Variants in DNAH1 observed in about 807,000 individuals in gnomAD.
DNAH1 encodes the protein axonemal beta dynein heavy chain 1.
Under a neutral mutation model 484.3 loss-of-function variants are expected in DNAH1, and 327 were observed. The ratio of observed to expected loss-of-function variants is 0.68; its 90% CI spans 0.62 to 0.74. DNAH1 has a LOEUF of 0.74. DNAH1 is among the 30% of genes least tolerant of loss of function. The probability of loss-of-function intolerance (pLI) is 0.00; values close to 1 mark genes in which losing one functional copy is unlikely to be tolerated. For missense variants in DNAH1, 5,052 were observed against 5,546.8 expected (o/e 0.91, Z 2.83); for synonymous variants, 2,192 against 2,191.9 (o/e 1.00, Z 0.00).
intron 63 of DNAH1, among the ~76,000 whole-genome samples, chr3:52,392,202 A>G (rs1704419615): frequency 6.6e-6 from 1 of 152,210 alleles, no homozygotes; most frequent in African/African-American, 2.4e-5. Flanking sequence ...CAGAGACCCC[A>G]GCCGCTCACA....
At position 52,345,538 on chromosome 3, in the gene DNAH1, G is replaced by A; in HGVS notation, c.1488G>A (p.Glu496=). 6.3e-7 allele frequency: 1 copy of A among 1,583,238 alleles called. No individual in the cohort carries two copies. Among genetic ancestry groups the A allele is most frequent in the Non-Finnish European group, 8.6e-7 (1 of 1,164,026 alleles). The part of the protein sequence containing the change: ...VPKYHFWEQK[E]DFTFVSLLTR... ...AGTACCACTTCTGGGAGCAGAAGGA[G>A]GACTTCACTTTCGTGTCCCTGCTCA... The change falls in exon 10 of 78, where the codon GAG becomes GAA. Residue 496 remains glutamate, a synonymous_variant. Transcript: ENST00000420323.
chr3:52,316,916 A>G (rs1366984773), intron 1 of DNAH1, among the ~76,000 whole-genome samples: 1 of 152,236 alleles, frequency 6.6e-6, no homozygotes, highest in Non-Finnish European at 1.5e-5. Flanking sequence ...TCTCAGGTAC[A>G]GATGGGGTGA....
At position 52,327,907 on chromosome 3, in the gene DNAH1, G is replaced by A; in HGVS notation, c.764G>A (p.Cys255Tyr). 1.9e-6 allele frequency: 3 copies of A among 1,613,858 alleles called. No individual in the cohort carries two copies. Among genetic ancestry groups the A allele is most frequent in the Non-Finnish European group, 2.5e-6 (3 of 1,179,718 alleles). ...GTATTTGACAATGAGGACTTTGACT[G>A]CCGGACTCCCAGAGAGTGGATCAAC... The part of the protein sequence containing the change: ...LKVFDNEDFD[C>Y]RTPREWINMG... The change falls in exon 6 of 78, where the codon TGC (cysteine) becomes TAC (tyrosine). Residue 255 changes from cysteine to tyrosine, a missense_variant. Physicochemically the swap from Cys to Tyr is radical, Grantham distance 194. Around this residue, in one of 4 missense-constraint regions of DNAH1, gnomAD observed 1,263 missense variants for 1,218.8 expected, o/e 1.04. Transcript: ENST00000420323.
In DNAH1 at chr3:52,398,118, G is replaced by A. The variant is rs773056445; in HGVS notation, c.12045G>A (p.Leu4015=). ...GGGTGATGGCCAAGTACCCAGTGCT[G>A]TATGAGGAATCAATGAACACAGTAC... The part of the protein sequence containing the change: ...LQWVMAKYPV[L]YEESMNTVLV... Residue 4015 remains leucine (L), a synonymous_variant, in exon 75 of 78, where the codon CTG becomes CTA. Transcript: ENST00000420323. 1.2e-6 allele frequency: 2 copies of A among 1,613,800 alleles called. No homozygotes were observed. Among genetic ancestry groups the A allele is most frequent in the East Asian group, 4.5e-5 (2 of 44,886 alleles).
In DNAH1 at chr3:52,326,306, G is replaced by A. The variant is rs1208157987; in HGVS notation, c.573G>A (p.Glu191=). ...CAGGCCAGCATCCTCGCAAGATTGAGATCGAGAGGTACGGCTGGGTGGGCT... is the reference window on the plus strand; with the variant it reads ...CAGGCCAGCATCCTCGCAAGATTGAAATCGAGAGGTACGGCTGGGTGGGCT... ...VLPGQHPRKI[E]IERRKQQYLS... is the part of the protein sequence containing the mutation. The change falls in exon 4 of 78, where the codon GAG becomes GAA. Residue 191 remains glutamate, a synonymous_variant. Coordinates refer to ENST00000420323, the MANE Select transcript of DNAH1 (RefSeq NM_015512.5). The A allele has an allele frequency of 5.0e-6, 8 of 1,606,488 alleles. No individual in the cohort carries two copies. The highest frequency in any genetic ancestry group is 5.9e-6 in the Non-Finnish European group (7 of 1,179,650).
rs779799002 is a variant in DNAH1 at position 52,395,421 on chromosome 3, G to T, written c.11082G>T (p.Met3694Ile). 1.9e-6 allele frequency: 3 copies of T among 1,613,914 alleles called. No homozygotes were observed. Among genetic ancestry groups the T allele is most frequent in the Non-Finnish European group, 2.5e-6 (3 of 1,179,898 alleles). ...AADLYKFAEEMKFSKKLSAIS... is the reference protein window; with the variant it reads ...AADLYKFAEEIKFSKKLSAIS... ...ACCTCTACAAGTTTGCCGAAGAAAT[G>T]AAGTTCTCCAAAAAGCTCTCTGCCA... The change falls in exon 69 of 78, where the codon ATG (methionine) becomes ATT (isoleucine). Residue 3694 changes from methionine (M) to isoleucine (I), a missense_variant. By Grantham distance (10) the Met-to-Ile change is conservative. Transcript: ENST00000420323. The surrounding 1 kb of genome is among the most constrained non-coding windows in gnomAD (Gnocchi z 4.4).
intron 46 of DNAH1, 72 bp downstream of exon 46, chr3:52,376,065 A>T: frequency 3.8e-6 from 6 of 1,568,472 alleles, no homozygotes; most frequent in Non-Finnish European, 5.2e-6. Context: ...GGGTGTGTTG[A>T]GGCTGCGACC....
Position 52,398,084 on chromosome 3 carries a change from A to G in DNAH1, c.12011A>G (p.Asn4004Ser), listed in dbSNP as rs769217525. 1.9e-6 allele frequency: 3 copies of G among 1,613,852 alleles called. No homozygotes were observed. Among genetic ancestry groups the G allele is most frequent in the East Asian group, 2.2e-5 (1 of 44,902 alleles). Residue 4004 changes from asparagine (N) to serine (S), a missense_variant, in exon 75 of 78, where the codon AAC becomes AGC. Physicochemically the swap from Asn to Ser is conservative, Grantham distance 46 (BLOSUM62 1). Coordinates refer to ENST00000420323, the MANE Select transcript of DNAH1 (RefSeq NM_015512.5). ...CTGCTCAAGGTGCCTGAGCCTATCA[A>G]CTTGCAATGGGTGATGGCCAAGTAC... ...NILLKVPEPINLQWVMAKYPV... is the reference protein window; with the variant it reads ...NILLKVPEPISLQWVMAKYPV...
intron 2 of DNAH1, 106 bp downstream of exon 2, chr3:52,322,881 C>T: frequency 1.0e-6 from 1 of 1,001,646 alleles, no homozygotes; most frequent in South Asian, 1.4e-5. Flanking sequence ...GTTCATTTAG[C>T]TGTCTATCGA....
At chr3:52,400,210 G>A (rs1451922198) in intron 77 of DNAH1, 115 bp from the exon 78 acceptor site, 19 of 1,441,366 alleles carry the variant, frequency 1.3e-5, no homozygotes, top group Non-Finnish European at 1.8e-5. Flanking sequence ...CTTCCTCTTG[G>A]GTCAGGGCCC....
chr3:52,316,589 T>A (rs182033498), intron 1 of DNAH1, 44 bp downstream of exon 1: 18 of 152,336 alleles, frequency 1.2e-4, no homozygotes, highest in South Asian at 4.1e-4. Context: ...GGAGACAGGT[T>A]CTAGACAGAG....
Position 52,326,218 on chromosome 3 carries a change from C to A in DNAH1, c.485C>A (p.Ala162Asp), listed in dbSNP as rs993782683. 3 of 1,613,172 alleles carry A rather than the reference C, an allele frequency of 1.9e-6. No homozygotes were observed. The highest frequency in any genetic ancestry group is 2.5e-6 in the Non-Finnish European group (3 of 1,179,644). ...QCIGSTTRLLAQTDFPLQAYE... is the reference protein window; with the variant it reads ...QCIGSTTRLLDQTDFPLQAYE... Reference sequence around the variant, plus strand: ...ATCGGGTCCACCACCCGGCTGCTCGCCCAGACTGACTTCCCACTGCAGGCC... The same window carrying A: ...ATCGGGTCCACCACCCGGCTGCTCGACCAGACTGACTTCCCACTGCAGGCC... Residue 162 changes from alanine to aspartate, a missense_variant, in exon 4 of 78, where the codon GCC becomes GAC. Physicochemically the swap from Ala to Asp is moderately radical, Grantham distance 126. Around this residue, in one of 4 missense-constraint regions of DNAH1, gnomAD observed 1,263 missense variants for 1,218.8 expected, o/e 1.04. Transcript: ENST00000420323.
rs1477314610 is a variant in DNAH1 at position 52,368,898 on chromosome 3, G to A, written c.5923G>A (p.Glu1975Lys). ...CAAGAAGCTGTGCCTCAGCTCTGGG[G>A]AGATCATCAAGCTCACAGAGGTGCA... ...DNKKLCLSSG[E>K]IIKLTEAMTM... The change falls in exon 37 of 78, where the codon GAG becomes AAG. Residue 1975 changes from glutamate to lysine, a missense_variant. This residue lies in a region of DNAH1 where 2,929 missense variants were observed against 3,409.4 expected (regional missense o/e 0.86). Transcript: ENST00000420323. The surrounding 1 kb of genome is among the most constrained non-coding windows in gnomAD (Gnocchi z 4.4). 1.2e-6 allele frequency: 2 copies of A among 1,613,802 alleles called. No homozygotes were observed. Among genetic ancestry groups the A allele is most frequent in the Non-Finnish European group, 8.5e-7 (1 of 1,179,732 alleles).
At chr3:52,319,143 T>C (rs1190408488) in intron 1 of DNAH1, among the ~76,000 whole-genome samples, 1 of 152,226 alleles carries the variant, frequency 6.6e-6, no homozygotes, top group Admixed American at 6.5e-5. Flanking sequence ...TGGGCCCTAG[T>C]TTCCTCAGCT....
chr3:52,356,682 G>A lies in DNAH1; in HGVS notation c.3762G>A (p.Glu1254=), dbSNP rs777114440. Residue 1254 remains glutamate, a synonymous_variant, in exon 22 of 78, where the codon GAG becomes GAA. Transcript: ENST00000420323. ...ACCTGGAGCCCATCTTTAGCTCTGAGGACATCAACCAGCAGCTGCCTGTGG... is the reference window on the plus strand; with the variant it reads ...ACCTGGAGCCCATCTTTAGCTCTGAAGACATCAACCAGCAGCTGCCTGTGG... ...WLYLEPIFSS[E]DINQQLPVES... 1.9e-6 allele frequency: 3 copies of A among 1,613,902 alleles called. No individual in the cohort carries two copies. Among genetic ancestry groups the A allele is most frequent in the African/African-American group, 1.3e-5 (1 of 75,038 alleles).
chr3:52,349,027 A>G lies in DNAH1; in HGVS notation c.2246A>G (p.Lys749Arg), dbSNP rs768573779. ...ATGATCCCACTGCAGGCCTACGCCA[A>G]GGAGTACCGAAAGTACCTGGAGCTG... The part of the protein sequence containing the change: ...KAMIPLQAYA[K>R]EYRKYLELNN... Residue 749 changes from lysine to arginine, a missense_variant, in exon 13 of 78, where the codon AAG becomes AGG. Transcript: ENST00000420323. 59 of 1,612,990 alleles carry G rather than the reference A, an allele frequency of 3.7e-5. 1 individual carries two copies. The South Asian group carries it at 5.8e-4, about 16-fold the overall frequency.
chr3:52,323,147 A>G (rs1701211685), intron 2 of DNAH1, among the ~76,000 whole-genome samples: 1 of 152,162 alleles, frequency 6.6e-6, no homozygotes, highest in South Asian at 2.1e-4. Flanking sequence ...AAGGTTCCAC[A>G]GATGAGGTGA....
chr3:52,360,469 C>G, intron 28 of DNAH1, 45 bp downstream of exon 28: 1 of 1,516,164 alleles, frequency 6.6e-7, no homozygotes. Flanking sequence ...GACCCTCCCT[C>G]TAGTTCTCTC....
intron 8 of DNAH1, among the ~76,000 whole-genome samples, chr3:52,338,581 G>T (rs1578096866): frequency 6.6e-6 from 1 of 152,162 alleles, no homozygotes; most frequent in South Asian, 2.1e-4. Context: ...CTCATGAAGA[G>T]CTCAAGGGTA....
Sources: gnomAD v4.1 joint callset for allele counts (sites outside exome capture counted in the v4.1 genomes callset) on GRCh38, gnomAD v4.1.1 for gene constraint, gnomAD v4.1.1 regional missense constraint, Gnocchi (gnomAD v3.1) non-coding constraint, MANE v1.5 for transcripts, NCBI Gene and HGNC (gene_info 2026-07-23, HGNC 2026-07-21) for gene names.